PCDHGA6: variants seen among roughly 807,000 people sequenced by gnomAD.
The protein encoded by PCDHGA6 is protocadherin gamma subfamily A, 6, also known as protocadherin gamma-A6.
Under a neutral mutation model 60.6 loss-of-function variants are expected in PCDHGA6, and 41 were observed. The ratio of observed to expected loss-of-function variants is 0.68; its 90% CI spans 0.53 to 0.88. The LOEUF (loss-of-function observed/expected upper bound fraction) is 0.88, where lower values mean the gene tolerates loss of function less well. Among genes scored for constraint, PCDHGA6 ranks in the 40% least tolerant of loss-of-function variants. The pLI is 0.00. For synonymous variants in PCDHGA6, 594 were observed against 524.4 expected (o/e 1.13, Z -1.81); for missense variants, 1,312 against 1,203.0 (o/e 1.09, Z -1.34).
chr5:141,376,382 C>T lies in PCDHGA6; in HGVS notation c.2299C>T (p.His767Tyr). ...VSLTADSRKSHLIFPQPNYAD... is the reference protein window; with the variant it reads ...VSLTADSRKSYLIFPQPNYAD... Reference sequence around the variant, plus strand: ...ACTCACTGCAGACTCGCGTAAGAGTCATCTGATTTTCCCCCAGCCCAACTA... The same window carrying T: ...ACTCACTGCAGACTCGCGTAAGAGTTATCTGATTTTCCCCCAGCCCAACTA... The change falls in exon 1 of 4, where the codon CAT becomes TAT. Residue 767 changes from histidine (H) to tyrosine (Y), a missense_variant. By Grantham distance (83) the His-to-Tyr change is moderately conservative. Transcript: ENST00000517434. The T allele has an allele frequency of 1.2e-6, 2 of 1,614,230 alleles. No homozygotes were observed. Among genetic ancestry groups the T allele is most frequent in the Non-Finnish European group, 1.7e-6 (2 of 1,180,052 alleles).
chr5:141,469,036 G>T (rs1396748159), intron 1 of PCDHGA6, among the ~76,000 whole-genome samples: 2 of 152,076 alleles, frequency 1.3e-5, no homozygotes, highest in Non-Finnish European at 2.9e-5. Flanking sequence ...CAGCACTTTG[G>T]GAGGCCAAGG....
chr5:141,383,387 G>A lies in PCDHGA6; in HGVS notation c.2424+6880G>A, dbSNP rs1779095569. ...AGCGAGGCTGGGGATCCAGATGTGG[G>A]CACGAACTCCCTCCAGAGTTACCAG... is the stretch of plus-strand genomic sequence containing the variant. On this transcript the variant is annotated intron_variant, in intron 1 of 3. Coordinates refer to ENST00000517434, the MANE Select transcript of PCDHGA6 (RefSeq NM_018919.3). 3.7e-6 allele frequency: 6 copies of A among 1,614,010 alleles called. No individual in the cohort carries two copies. The East Asian group carries it at 1.3e-4, about 36-fold the overall frequency.
At position 141,487,448 on chromosome 5, in the gene PCDHGA6, C is replaced by T; in HGVS notation, c.2425-7359C>T. The stretch of plus-strand genomic sequence containing the variant: ...CCGAATCCAGCTAGGGTCAGATGAC[C>T]CTATCAAGTTTGTTGATGTGGGAGG... On this transcript the variant is annotated intron_variant, in intron 1 of 3. Coordinates refer to ENST00000517434, the MANE Select transcript of PCDHGA6 (RefSeq NM_018919.3). The surrounding 1 kb of genome is among the most constrained non-coding windows in gnomAD (Gnocchi z 5.0). 6.8e-6 allele frequency: 11 copies of T among 1,614,146 alleles called. No individual in the cohort carries two copies. The highest frequency in any genetic ancestry group is 9.3e-6 in the Non-Finnish European group (11 of 1,180,028).
intron 1 of PCDHGA6, chr5:141,417,570 T>A: frequency 2.7e-6 from 1 of 373,028 alleles, no homozygotes; most frequent in Non-Finnish European, 4.7e-6. Context: ...AAAAGTCAAG[T>A]TGCAGTCCCA....
intron 1 of PCDHGA6, chr5:141,421,419 A>T (rs778839137): frequency 1.2e-6 from 2 of 1,614,072 alleles, no homozygotes; most frequent in Non-Finnish European, 1.7e-6. Context: ...CGAAGCGCGG[A>T]GTCCGCATCG....
Position 141,431,451 on chromosome 5 carries a change from T to C in PCDHGA6, c.2424+54944T>C. On this transcript the variant is annotated intron_variant, in intron 1 of 3. Transcript: ENST00000517434. The surrounding 1 kb of genome is among the most constrained non-coding windows in gnomAD (Gnocchi z 4.8). ...ACAGGCACCGCGCGCATCCGCGTGA[T>C]GGTTCTGGATGCGAACGACAACGCA... The C allele has an allele frequency of 6.2e-7, 1 of 1,613,762 alleles. No individual in the cohort carries two copies. Among genetic ancestry groups the C allele is most frequent in the African/African-American group, 1.3e-5 (1 of 75,072 alleles).
At chr5:141,428,293 C>G (rs1278634119) in intron 1 of PCDHGA6, 1 of 716,436 alleles carries the variant, frequency 1.4e-6, no homozygotes, top group South Asian at 1.6e-5. Flanking sequence ...AGCAAAGCTG[C>G]AGATTTACCT....
At chr5:141,381,294 A>C (rs1777116349) in intron 1 of PCDHGA6, among the ~76,000 whole-genome samples, 1 of 152,236 alleles carries the variant, frequency 6.6e-6, no homozygotes, top group African/African-American at 2.4e-5. Flanking sequence ...TTTATTCCAG[A>C]GCAGGTCATT....
chr5:141,419,845 G>A, intron 1 of PCDHGA6: 3 of 1,614,064 alleles, frequency 1.9e-6, no homozygotes, highest in Non-Finnish European at 2.5e-6. Context: ...CGCTGCACCT[G>A]GTGTTCGCAG....
At chr5:141,415,767 T>TTTTTTTTTTTTTTTTTTTTTG (rs2095942916) in intron 1 of PCDHGA6, 1 of 1,300,668 alleles carries the variant, frequency 7.7e-7, no homozygotes, top group African/African-American at 1.8e-5. Flanking sequence ...TTTTTTTTTT[T>TTTTTTTTTTTTTTTTTTTTTG]TTTTTACTTT....
At chr5:141,392,280 GCA>G (rs1460323134) in intron 1 of PCDHGA6, 2 of 152,190 alleles carry the variant, frequency 1.3e-5, no homozygotes, top group East Asian at 3.8e-4. Flanking sequence ...AAAGCTTAGA[GCA>G]CAATGGGAAA....
At chr5:141,380,404 C>T (rs972826552) in intron 1 of PCDHGA6, among the ~76,000 whole-genome samples, 3 of 152,146 alleles carry the variant, frequency 2.0e-5, no homozygotes, top group Middle Eastern at 6.3e-3. Flanking sequence ...ATAATCAATT[C>T]GATGCCCAGG....
intron 1 of PCDHGA6, chr5:141,409,386 A>C (rs369240403): frequency 1.2e-6 from 2 of 1,613,914 alleles, no homozygotes; most frequent in African/African-American, 2.7e-5. Flanking sequence ...TTCAAGATTT[A>C]TTCTTCTTCC....
chr5:141,439,310 A>G lies in PCDHGA6; in HGVS notation c.2425-55497A>G, dbSNP rs775009481. ...TCCATGGAAAAAGTAAAGCCCAGGCATGGAAGTGGGAATGGAAAGAAAGAT... is the reference window on the plus strand; with the variant it reads ...TCCATGGAAAAAGTAAAGCCCAGGCGTGGAAGTGGGAATGGAAAGAAAGAT... On this transcript the variant is annotated intron_variant, in intron 1 of 3. Transcript: ENST00000517434. 1.6e-4 allele frequency among the ~76,000 whole-genome samples: 24 copies of G among 152,320 alleles called. No homozygotes were observed. In the South Asian group the frequency reaches 4.1e-3, roughly 26 times the overall value.
At position 141,476,161 on chromosome 5, in the gene PCDHGA6, G is replaced by A. The variant is rs748660112; in HGVS notation, c.2425-18646G>A. 21 of 1,613,012 alleles carry A rather than the reference G, an allele frequency of 1.3e-5. No homozygotes were observed. Among genetic ancestry groups the A allele is most frequent in the Non-Finnish European group, 1.8e-5 (21 of 1,179,922 alleles). On this transcript the variant is annotated intron_variant, in intron 1 of 3. Transcript: ENST00000517434. The surrounding 1 kb of genome is among the most constrained non-coding windows in gnomAD (Gnocchi z 7.6). ...GGAGCGGACTGGTAAGCACCGGGAG[G>A]GTAGTGGGAGTTTTGCTTCTGCTTG... is the stretch of plus-strand genomic sequence containing the variant.
chr5:141,511,358 G>T lies in PCDHGA6; in HGVS notation c.*185G>T, dbSNP rs905197337. 1.5e-6 allele frequency: 2 copies of T among 1,355,398 alleles called. No homozygotes were observed. Among genetic ancestry groups the T allele is most frequent in the East Asian group, 2.5e-5 (1 of 39,588 alleles). The allele number at this position is 1,355,398 out of a possible 1,614,324, so 84.0% of individuals were successfully genotyped here. ...GCACCTACCCCTTCCCCCCCAGGGGGTTGAATATGCAAAAGCAGTTCCGCT... is the reference window on the plus strand; with the variant it reads ...GCACCTACCCCTTCCCCCCCAGGGGTTTGAATATGCAAAAGCAGTTCCGCT... On this transcript the variant is annotated 3_prime_UTR_variant, in exon 4 of 4. Coordinates refer to ENST00000517434, the MANE Select transcript of PCDHGA6 (RefSeq NM_018919.3).
At chr5:141,381,530 T>C (rs1035264051) in intron 1 of PCDHGA6, among the ~76,000 whole-genome samples, 1 of 152,196 alleles carries the variant, frequency 6.6e-6, no homozygotes. Context: ...TTGAATTGCA[T>C]ACTAGGATGA....
chr5:141,430,587 T>C, intron 1 of PCDHGA6: 1 of 521,996 alleles, frequency 1.9e-6, no homozygotes, highest in Non-Finnish European at 3.1e-6. Context: ...CCTGCTCGCC[T>C]TGCACGCGCC....
rs2097370658 is a variant in PCDHGA6 at position 141,431,413 on chromosome 5, C to T, written c.2424+54906C>T. The T allele has an allele frequency of 1.2e-6, 2 of 1,613,564 alleles. No homozygotes were observed. Among genetic ancestry groups the T allele is most frequent in the African/African-American group, 2.7e-5 (2 of 74,952 alleles). ...TGGTCCTTACGGCCTCCGACGGGGG[C>T]GACCCGGTGCGCACAGGCACCGCGC... On this transcript the variant is annotated intron_variant, in intron 1 of 3. Transcript: ENST00000517434. This position sits in a 1 kb window ranked among gnomAD's most constrained non-coding sequence, Gnocchi z 4.8.
Sources: allele counts gnomAD v4.1 joint callset (sites outside exome capture counted in the v4.1 genomes callset), GRCh38; gene constraint gnomAD v4.1.1; non-coding constraint Gnocchi (gnomAD v3.1); transcripts MANE v1.5; gene names NCBI Gene and HGNC (gene_info 2026-07-23, HGNC 2026-07-21).